SLC9A9: variants seen among roughly 807,000 people sequenced by gnomAD.
SLC9A9 encodes the protein sodium/hydrogen exchanger 9.
Under a neutral mutation model 77.8 loss-of-function variants are expected in SLC9A9, and 62 were observed. That is an observed-to-expected ratio of 0.80 (90% CI 0.65 to 0.98). The LOEUF is 0.98. SLC9A9 is among the 50% of genes least tolerant of loss of function. The pLI is 0.00. For missense variants in SLC9A9, 775 were observed against 774.9 expected (o/e 1.00, Z 0.00); for synonymous variants, 320 against 283.5 (o/e 1.13, Z -1.29).
At chr3:143,840,257 G>A (rs1320174601) in intron 1 of SLC9A9, among the ~76,000 whole-genome samples, 3 of 117,738 alleles carry the variant, frequency 2.5e-5, no homozygotes, top group African/African-American at 5.8e-5. Context: ...ACCAACATAA[G>A]TCCTCACAGT....
intron 9 of SLC9A9, among the ~76,000 whole-genome samples, chr3:143,522,726 C>T (rs2036322057): frequency 6.6e-6 from 1 of 152,134 alleles, no homozygotes; most frequent in Non-Finnish European, 1.5e-5. Flanking sequence ...TCCCTTTTCA[C>T]CTTAACATCA....
At chr3:143,310,914 T>C (rs1285286775) in intron 14 of SLC9A9, among the ~76,000 whole-genome samples, 1 of 152,188 alleles carries the variant, frequency 6.6e-6, no homozygotes, top group African/African-American at 2.4e-5. Flanking sequence ...AGAGTCAAAC[T>C]GGATTGTTTA....
chr3:143,500,259 T>C (rs996521919), intron 9 of SLC9A9, among the ~76,000 whole-genome samples: 11 of 152,218 alleles, frequency 7.2e-5, no homozygotes, highest in Admixed American at 3.3e-4. Context: ...TTTGTATTTT[T>C]TGGCATACAG....
At chr3:143,532,092 C>T (rs963275439) in intron 9 of SLC9A9, among the ~76,000 whole-genome samples, 24 of 152,274 alleles carry the variant, frequency 1.6e-4, no homozygotes, top group African/African-American at 5.8e-4. Flanking sequence ...ATGGATTTAT[C>T]ATTATTTTAA....
chr3:143,609,643 A>T (rs1257581725), intron 6 of SLC9A9, among the ~76,000 whole-genome samples: 1 of 152,202 alleles, frequency 6.6e-6, no homozygotes, highest in Non-Finnish European at 1.5e-5. Flanking sequence ...TATTCCTTAC[A>T]GTTCTAGAGA....
chr3:143,282,937 C>A (rs1434016046), intron 14 of SLC9A9, among the ~76,000 whole-genome samples: 1 of 152,232 alleles, frequency 6.6e-6, no homozygotes, highest in Admixed American at 6.5e-5. Context: ...GTCACTATTC[C>A]TGTGACAAAC....
intron 6 of SLC9A9, among the ~76,000 whole-genome samples, chr3:143,589,287 G>T (rs1461891734): frequency 1.3e-5 from 2 of 152,080 alleles, no homozygotes; most frequent in Admixed American, 6.5e-5. Context: ...GGAAATTATG[G>T]CTTAGATAGA....
At chr3:143,316,459 A>G (rs1473369388) in intron 14 of SLC9A9, among the ~76,000 whole-genome samples, 16 of 152,148 alleles carry the variant, frequency 1.1e-4, no homozygotes, top group Admixed American at 1.0e-3. Flanking sequence ...AGATATTACA[A>G]ATTTGGTGGC....
chr3:143,710,878 T>C (rs1934124927), intron 4 of SLC9A9, among the ~76,000 whole-genome samples: 1 of 152,244 alleles, frequency 6.6e-6, no homozygotes, highest in Non-Finnish European at 1.5e-5. Flanking sequence ...AGCCCACTGC[T>C]TGTTGCAATA....
chr3:143,554,165 T>C (rs1192165246), intron 8 of SLC9A9, among the ~76,000 whole-genome samples: 1 of 152,168 alleles, frequency 6.6e-6, no homozygotes, highest in African/African-American at 2.4e-5. Context: ...ATAAATTCAT[T>C]GTAAGAACAA....
chr3:143,625,753 A>G (rs868393046), intron 6 of SLC9A9, among the ~76,000 whole-genome samples: 1 of 152,242 alleles, frequency 6.6e-6, no homozygotes, highest in African/African-American at 2.4e-5. Context: ...ACAAAAGCCA[A>G]AATTGACAAA....
At chr3:143,578,966 G>A (rs1485064340) in intron 6 of SLC9A9, among the ~76,000 whole-genome samples, 1 of 152,114 alleles carries the variant, frequency 6.6e-6, no homozygotes, top group African/African-American at 2.4e-5. Context: ...TATATTGGAA[G>A]GGTCATAAAG....
chr3:143,697,632 C>T (rs538175535), intron 4 of SLC9A9, among the ~76,000 whole-genome samples: 4 of 152,132 alleles, frequency 2.6e-5, no homozygotes, highest in South Asian at 2.1e-4. Context: ...AGCCTACATA[C>T]TTAACCACCA....
intron 4 of SLC9A9, among the ~76,000 whole-genome samples, chr3:143,777,386 A>G (rs1213475168): frequency 2.0e-5 from 3 of 152,148 alleles, no homozygotes; most frequent in Non-Finnish European, 2.9e-5. Flanking sequence ...CTTTTATGAA[A>G]AACTCCCTTC....
chr3:143,409,010 A>G (rs546154809), intron 12 of SLC9A9, among the ~76,000 whole-genome samples: 12 of 152,342 alleles, frequency 7.9e-5, no homozygotes, highest in Middle Eastern at 3.4e-3. Context: ...CTTGCAAGAG[A>G]GGCTAGTTAA....
At chr3:143,649,907 T>A (rs1176341872) in intron 6 of SLC9A9, among the ~76,000 whole-genome samples, 1 of 151,456 alleles carries the variant, frequency 6.6e-6, no homozygotes, top group Non-Finnish European at 1.5e-5. Flanking sequence ...AAAAGAGATT[T>A]TCATTTGTTC....
intron 14 of SLC9A9, among the ~76,000 whole-genome samples, chr3:143,357,892 A>C (rs2032636051): frequency 6.6e-6 from 1 of 152,124 alleles, no homozygotes; most frequent in African/African-American, 2.4e-5. Flanking sequence ...ATAGGGAAAA[A>C]CCGCAGTACA....
chr3:143,673,525 C>T (rs907753287), intron 5 of SLC9A9, among the ~76,000 whole-genome samples: 1 of 127,598 alleles, frequency 7.8e-6, no homozygotes, highest in African/African-American at 2.9e-5. Context: ...AAATACAAAT[C>T]TGTATTTGGC....
intron 12 of SLC9A9, among the ~76,000 whole-genome samples, chr3:143,442,612 T>C (rs977873325): frequency 7.2e-5 from 11 of 152,228 alleles, no homozygotes; most frequent in African/African-American, 2.4e-4. Flanking sequence ...TCCCAGCTAC[T>C]TGGGAGGCTG....
Sources: allele counts gnomAD v4.1 joint callset (sites outside exome capture counted in the v4.1 genomes callset), GRCh38; gene constraint gnomAD v4.1.1; transcripts MANE v1.5; gene names NCBI Gene and HGNC (gene_info 2026-07-23, HGNC 2026-07-21).